SUCLG2: variants seen among roughly 807,000 people sequenced by gnomAD.
The protein encoded by SUCLG2 is succinate-CoA ligase GDP-forming subunit beta.
Under a neutral mutation model 47.9 loss-of-function variants are expected in SUCLG2, and 42 were observed. The ratio of observed to expected loss-of-function variants is 0.88; its 90% confidence interval spans 0.69 to 1.14. The LOEUF (loss-of-function observed/expected upper bound fraction) is 1.14. Ranked by LOEUF, SUCLG2 falls within the 50% of genes most tolerant of loss-of-function variation. The pLI is 0.00. For missense variants in SUCLG2, 571 were observed against 525.9 expected, an observed-to-expected ratio of 1.09 and a Z score of -0.84; for synonymous variants, 195 against 197.3, an observed-to-expected ratio of 0.99 and a Z score of 0.10.
intron 2 of SUCLG2, among the ~76,000 whole-genome samples, chr3:67,531,578 CA>C (rs1298766179): frequency 1.3e-5 from 2 of 152,144 alleles, no homozygotes; most frequent in Admixed American, 1.3e-4. Flanking sequence ...GTTGGTAGAA[CA>C]AGCAACCAGT....
chr3:67,617,905 C>A (rs1236113116), intron 1 of SUCLG2, among the ~76,000 whole-genome samples: 2 of 152,082 alleles, frequency 1.3e-5, no homozygotes, highest in Admixed American at 6.5e-5. Context: ...CAAGTAGATA[C>A]CTGGCAATCA....
chr3:67,489,152 C>T (rs1423205499), intron 9 of SUCLG2, among the ~76,000 whole-genome samples: 1 of 152,090 alleles, frequency 6.6e-6, no homozygotes, highest in African/African-American at 2.4e-5. Context: ...ATGCAGTCAC[C>T]AGGACCCACT....
intron 9 of SUCLG2, among the ~76,000 whole-genome samples, chr3:67,419,666 GAT>G (rs1411757743): frequency 2.0e-5 from 3 of 152,216 alleles, no homozygotes; most frequent in Non-Finnish European, 4.4e-5. Flanking sequence ...ATGACAGTAT[GAT>G]ATGAAATTTC....
At chr3:67,456,484 T>C (rs1704189387) in intron 9 of SUCLG2, among the ~76,000 whole-genome samples, 1 of 152,070 alleles carries the variant, frequency 6.6e-6, no homozygotes, top group Admixed American at 6.6e-5. Flanking sequence ...ATATAGATAG[T>C]AAAGGAAGAT....
At chr3:67,412,173 C>G (rs540312750) in intron 9 of SUCLG2, among the ~76,000 whole-genome samples, 2 of 152,138 alleles carry the variant, frequency 1.3e-5, no homozygotes, top group African/African-American at 4.8e-5. Context: ...GTCAGTATAC[C>G]ATGACTGGAG....
At chr3:67,643,910 C>T (rs928812718) in intron 1 of SUCLG2, among the ~76,000 whole-genome samples, 2 of 152,210 alleles carry the variant, frequency 1.3e-5, no homozygotes, top group African/African-American at 4.8e-5. Context: ...CTCCTGACCT[C>T]AGGTGATCCA....
intron 9 of SUCLG2, among the ~76,000 whole-genome samples, chr3:67,460,414 C>A (rs1343538283): frequency 6.6e-6 from 1 of 152,172 alleles, no homozygotes; most frequent in Admixed American, 6.5e-5. Flanking sequence ...ATACCTTATT[C>A]TCATCAATCT....
chr3:67,401,196 G>T (rs1702677032), intron 9 of SUCLG2, among the ~76,000 whole-genome samples: 1 of 151,806 alleles, frequency 6.6e-6, no homozygotes, highest in African/African-American at 2.4e-5. Flanking sequence ...AAAATTTCTT[G>T]CATTTAGGTT....
At chr3:67,557,301 AAC>A (rs1382770151) in intron 2 of SUCLG2, among the ~76,000 whole-genome samples, 3 of 152,188 alleles carry the variant, frequency 2.0e-5, no homozygotes, top group Non-Finnish European at 4.4e-5. Context: ...ATTTGAGATG[AAC>A]AGAGATCGTT....
intron 9 of SUCLG2, among the ~76,000 whole-genome samples, chr3:67,463,163 C>T (rs1051543212): frequency 2.6e-5 from 4 of 152,210 alleles, no homozygotes; most frequent in Non-Finnish European, 5.9e-5. Flanking sequence ...ATTACAGGCC[C>T]TCTCTGAGAC....
intron 10 of SUCLG2, among the ~76,000 whole-genome samples, chr3:67,396,753 C>T (rs921317239): frequency 6.6e-6 from 1 of 152,156 alleles, no homozygotes; most frequent in Non-Finnish European, 1.5e-5. Flanking sequence ...TCTTGATGAA[C>T]ATCGATGCAA....
intron 1 of SUCLG2, among the ~76,000 whole-genome samples, chr3:67,615,368 A>G (rs1367968356): frequency 6.6e-6 from 1 of 151,656 alleles, no homozygotes; most frequent in Non-Finnish European, 1.5e-5. Context: ...TCAACAGAGA[A>G]TATCAAAAGA....
intron 1 of SUCLG2, among the ~76,000 whole-genome samples, chr3:67,643,693 G>C (rs1313705677): frequency 1.3e-5 from 2 of 152,194 alleles, no homozygotes; most frequent in African/African-American, 4.8e-5. Context: ...AAATGAGACT[G>C]TAGGTTCCTT....
intron 2 of SUCLG2, among the ~76,000 whole-genome samples, chr3:67,531,051 T>C (rs1706390009): frequency 6.6e-6 from 1 of 152,148 alleles, no homozygotes. Context: ...TGCCCTTCTG[T>C]AAAGTAGTCA....
chr3:67,573,599 G>A (rs1409426110), intron 2 of SUCLG2, among the ~76,000 whole-genome samples: 3 of 152,052 alleles, frequency 2.0e-5, no homozygotes, highest in Non-Finnish European at 4.4e-5. Flanking sequence ...CACATGGGAG[G>A]GGGTCCCTGG....
At chr3:67,454,904 G>A (rs1385459928) in intron 9 of SUCLG2, among the ~76,000 whole-genome samples, 4 of 148,496 alleles carry the variant, frequency 2.7e-5, no homozygotes, top group Non-Finnish European at 5.9e-5. Context: ...GGAGCTTGTA[G>A]TGAGCAGAGA....
intron 1 of SUCLG2, among the ~76,000 whole-genome samples, chr3:67,647,591 T>G (rs1250120014): frequency 6.6e-6 from 1 of 152,262 alleles, no homozygotes; most frequent in Admixed American, 6.5e-5. Flanking sequence ...ATTCTTTAAG[T>G]GTTCCCTCAC....
chr3:67,614,684 C>T (rs920307162), intron 1 of SUCLG2, among the ~76,000 whole-genome samples: 3 of 152,012 alleles, frequency 2.0e-5, no homozygotes, highest in Admixed American at 6.6e-5. Flanking sequence ...CTTTGGGACC[C>T]TATACTGGAG....
chr3:67,605,119 A>G (rs2885693), intron 2 of SUCLG2, among the ~76,000 whole-genome samples: 3 of 151,894 alleles, frequency 2.0e-5, no homozygotes, highest in Non-Finnish European at 4.4e-5. Context: ...TTAGACACAT[A>G]ATCATTCTAG....
Sources: gnomAD v4.1 joint callset for allele counts (sites outside exome capture counted in the v4.1 genomes callset) on GRCh38, gnomAD v4.1.1 for gene constraint, MANE v1.5 for transcripts, NCBI Gene and HGNC (gene_info 2026-07-23, HGNC 2026-07-21) for gene names.